Variants in GCN1 observed in about 807,000 individuals in gnomAD.
The protein encoded by GCN1 is stalled ribosome sensor GCN1.
GCN1 carries 90 observed loss-of-function variants against 288.4 expected under a neutral mutation model. That is an observed-to-expected ratio of 0.31 (90% CI 0.26 to 0.37). The LOEUF (loss-of-function observed/expected upper bound fraction) is 0.37, where lower values mean the gene tolerates loss of function less well. Ranked by LOEUF, GCN1 falls within the 10% of genes least tolerant of loss-of-function variation. The probability of loss-of-function intolerance (pLI) is 1.00; values close to 1 mark genes in which losing one functional copy is unlikely to be tolerated. For missense variants in GCN1, 2,586 were observed against 3,419.9 expected (o/e 0.76, Z 6.08); for synonymous variants, 1,386 against 1,420.2 (o/e 0.98, Z 0.54).
Position 120,177,485 on chromosome 12 carries a change from T to C in GCN1, c.800A>G (p.Gln267Arg). 1 of 1,608,248 alleles carries C rather than the reference T, an allele frequency of 6.2e-7. No individual in the cohort carries two copies. The highest frequency in any genetic ancestry group is 1.1e-5 in the South Asian group (1 of 90,950). Reference sequence around the variant, plus strand: ...CTCTGGACTCCTCAGTAAGGACTTCTGTATGGTGGGCAGTATCAGATCCTT... The same window carrying C: ...CTCTGGACTCCTCAGTAAGGACTTCCGTATGGTGGGCAGTATCAGATCCTT... The part of the protein sequence containing the change: ...EFKDLILPTI[Q>R]KSLLRSPENV... The change falls in exon 9 of 58, where the codon CAG (glutamine) becomes CGG (arginine). Residue 267 changes from glutamine to arginine, a missense_variant. Coordinates refer to ENST00000300648, the MANE Select transcript of GCN1 (RefSeq NM_006836.2).
chr12:120,194,510 CGGGCCAAGCCCG>C, intron 1 of GCN1, among the ~76,000 whole-genome samples, 158 bp downstream of exon 1: 1 of 152,206 alleles, frequency 6.6e-6, no homozygotes, highest in East Asian at 1.9e-4. Context: ...CCGCCCGGGC[CGGGCCAAGCCCG>C]CAGCCCTGAG....
At chr12:120,186,332 G>A (rs933638609) in intron 2 of GCN1, among the ~76,000 whole-genome samples, 2 of 151,242 alleles carry the variant, frequency 1.3e-5, no homozygotes, top group East Asian at 1.9e-4. Flanking sequence ...CAGAGATGGC[G>A]CCACTGCACT....
At position 120,149,966 on chromosome 12, in the gene GCN1, G is replaced by A; in HGVS notation, c.4387C>T (p.His1463Tyr). The A allele has an allele frequency of 6.2e-7, 1 of 1,614,106 alleles. No homozygotes were observed. The highest frequency in any genetic ancestry group is 8.5e-7 in the Non-Finnish European group (1 of 1,179,986). Reference sequence around the variant, plus strand: ...CCATCCCCAAAGCACAGGAGCAGATGGGGCAGCACGTGAACCACATACGGC... The same window carrying A: ...CCATCCCCAAAGCACAGGAGCAGATAGGGCAGCACGTGAACCACATACGGC... The part of the protein sequence containing the change: ...FEPYVVHVLP[H>Y]LLLCFGDGNQ... The change falls in exon 35 of 58, where the codon CAT (histidine) becomes TAT (tyrosine). Residue 1463 changes from histidine to tyrosine, a missense_variant. Physicochemically the swap from His to Tyr is moderately conservative, Grantham distance 83. This residue lies in a region of GCN1 where 371 missense variants were observed against 572.6 expected (regional missense o/e 0.65). Transcript: ENST00000300648.
At chr12:120,143,851 C>T (rs949054094) in intron 42 of GCN1, among the ~76,000 whole-genome samples, 1 of 152,212 alleles carries the variant, frequency 6.6e-6, no homozygotes, top group Non-Finnish European at 1.5e-5. Flanking sequence ...GACATTGCTA[C>T]AGGAAACTGG....
chr12:120,139,674 T>C (rs1877128354), intron 45 of GCN1, among the ~76,000 whole-genome samples: 1 of 152,014 alleles, frequency 6.6e-6, no homozygotes, highest in South Asian at 2.1e-4. Flanking sequence ...CCATGTATCC[T>C]TCACTGAGAC....
At chr12:120,152,083 G>A (rs1224092351) in intron 33 of GCN1, among the ~76,000 whole-genome samples, 1 of 152,128 alleles carries the variant, frequency 6.6e-6, no homozygotes. Context: ...AGGCTACAGT[G>A]CAGTGGCACA....
At chr12:120,175,698 C>G (rs753082732) in intron 11 of GCN1, 48 bp downstream of exon 11, 3 of 1,575,356 alleles carry the variant, frequency 1.9e-6, no homozygotes, top group South Asian at 2.3e-5. Flanking sequence ...GAGGGAAATA[C>G]CAGGGGCCAC....
At position 120,138,414 on chromosome 12, in the gene GCN1, T is replaced by C; in HGVS notation, c.6158A>G (p.Asp2053Gly). Residue 2053 changes from aspartate (D) to glycine (G), a missense_variant and splice_region_variant, in exon 47 of 58, where the codon GAT (aspartate) becomes GGT (glycine). Physicochemically the swap from Asp to Gly is moderately conservative, Grantham distance 94. This residue lies in a region of GCN1 where 437 missense variants were observed against 570.5 expected (regional missense o/e 0.77). Coordinates refer to ENST00000300648, the MANE Select transcript of GCN1 (RefSeq NM_006836.2). The stretch of plus-strand genomic sequence containing the variant: ...GGCAAACTCTGACACCTCCTCGTCA[T>C]CCTGCAGAGGGTGTTGGGGACAACC... ...DILPFLLKQL[D>G]DEEVSEFALD... The C allele has an allele frequency of 6.3e-7, 1 of 1,586,968 alleles. No homozygotes were observed. Among genetic ancestry groups the C allele is most frequent in the Non-Finnish European group, 8.7e-7 (1 of 1,155,182 alleles).
rs775836254 is a variant in GCN1, at chr12:120,173,734, A to C, written c.1285T>G (p.Phe429Val). Residue 429 changes from phenylalanine (F) to valine (V), a missense_variant, in exon 14 of 58, where the codon TTC (phenylalanine) becomes GTC (valine). Physicochemically the swap from Phe to Val is conservative, Grantham distance 50 (BLOSUM62 -1). Transcript: ENST00000300648. ...GTTTTAAGGCTGAAAGCTTTTTTGA[A>C]CCATTCAGTGAGCTTCTTGGGCACT... is the stretch of plus-strand genomic sequence containing the variant. ...MEVPKKLTEWFKKAFSLKTST... is the reference protein window; with the variant it reads ...MEVPKKLTEWVKKAFSLKTST... The C allele has an allele frequency of 1.9e-6, 3 of 1,613,084 alleles. No homozygotes were observed. The African/African-American group carries it at 4.0e-5, about 22-fold the overall frequency.
Position 120,129,482 on chromosome 12 carries a change from G to T in GCN1, c.7684C>A (p.Pro2562Thr), listed in dbSNP as rs1353725758. The change falls in exon 57 of 58, where the codon CCA becomes ACA. Residue 2562 changes from proline (P) to threonine (T), a missense_variant. Pro to Thr is a conservative substitution (Grantham distance 38, BLOSUM62 -1). Around this residue, in one of 8 missense-constraint regions of GCN1, gnomAD observed 355 missense variants for 431.1 expected, o/e 0.82. Coordinates refer to ENST00000300648, the MANE Select transcript of GCN1 (RefSeq NM_006836.2). ...SSLFVKCLQN[P>T]SSDIRLVAEK... ...GCCACCAGCCTGATGTCGCTGGATGGGTTCTGCAGACACTGTAAAAAGAAC... is the reference window on the plus strand; with the variant it reads ...GCCACCAGCCTGATGTCGCTGGATGTGTTCTGCAGACACTGTAAAAAGAAC... 1.2e-6 allele frequency: 2 copies of T among 1,612,798 alleles called. No homozygotes were observed. Among genetic ancestry groups the T allele is most frequent in the East Asian group, 2.2e-5 (1 of 44,876 alleles).
intron 14 of GCN1, among the ~76,000 whole-genome samples, chr12:120,172,745 G>C (rs1460121188): frequency 1.3e-5 from 2 of 152,202 alleles, no homozygotes; most frequent in East Asian, 3.8e-4. Context: ...CTGACCTCAG[G>C]TGATCCAACC....
chr12:120,182,934 CAA>C (rs1056569798), intron 5 of GCN1, among the ~76,000 whole-genome samples: 7 of 89,660 alleles, frequency 7.8e-5, no homozygotes, highest in Non-Finnish European at 9.4e-5. Context: ...GACTCCGTCT[CAA>C]AAAAAAAAAA....
Position 120,178,777 on chromosome 12 carries a change from A to G in GCN1, c.526-18T>C. ...CCGGGGTTCTGAAGAGGAAAGTGCC[A>G]GGCAGGTGTTTAAGATGGCAGTGGG... On this transcript the variant is annotated intron_variant, in intron 6 of 57. Coordinates refer to ENST00000300648, the MANE Select transcript of GCN1 (RefSeq NM_006836.2). 6.2e-7 allele frequency: 1 copy of G among 1,614,228 alleles called. No homozygotes were observed. The highest frequency in any genetic ancestry group is 1.1e-5 in the South Asian group (1 of 91,092).
At chr12:120,132,060 A>T in intron 53 of GCN1, 38 bp from the exon 54 acceptor site, 5 of 1,334,704 alleles carry the variant, frequency 3.7e-6, no homozygotes, top group Non-Finnish European at 4.2e-6. Flanking sequence ...GGTGCAGGGA[A>T]CAACACCAGC....
In GCN1 at chr12:120,134,846, G is replaced by A. The variant is rs900853765; in HGVS notation, c.7009-120C>T. 2 of 838,546 alleles carry A rather than the reference G, an allele frequency of 2.4e-6. No individual in the cohort carries two copies. Among genetic ancestry groups the A allele is most frequent in the African/African-American group, 3.4e-5 (2 of 59,286 alleles). 51.9% of individuals were successfully genotyped at this position (838,546 alleles called of 1,614,324 possible). ...CCACAGCGAGTCCAGCTCTCATACA[G>A]GGCTGGGGACAGATAGCCCGTCAGA... On this transcript the variant is annotated intron_variant, in intron 51 of 57. Coordinates refer to ENST00000300648, the MANE Select transcript of GCN1 (RefSeq NM_006836.2). This position sits in a 1 kb window ranked among gnomAD's most constrained non-coding sequence, Gnocchi z 5.0.
At chr12:120,135,810 G>C (rs956110196) in intron 51 of GCN1, among the ~76,000 whole-genome samples, 1 of 152,036 alleles carries the variant, frequency 6.6e-6, no homozygotes, top group Non-Finnish European at 1.5e-5. Context: ...GCTGTGCGAG[G>C]TCAGGAGTTC....
chr12:120,175,487 G>C (rs572201162), intron 11 of GCN1, among the ~76,000 whole-genome samples: 1 of 152,282 alleles, frequency 6.6e-6, no homozygotes, highest in African/African-American at 2.4e-5. Context: ...TTCTTTTCTG[G>C]TGTATTTCCT....
At chr12:120,172,789 C>T (rs1044937559) in intron 14 of GCN1, among the ~76,000 whole-genome samples, 1 of 151,980 alleles carries the variant, frequency 6.6e-6, no homozygotes. Context: ...TAGGCGTGAG[C>T]CACTGTGCCC....
intron 24 of GCN1, 107 bp downstream of exon 24, chr12:120,159,718 C>T: frequency 2.2e-6 from 2 of 919,122 alleles, no homozygotes; most frequent in East Asian, 4.8e-5. Context: ...CAAAACTCAG[C>T]AGCTGAGGTC....
Sources: gnomAD v4.1 joint callset for allele counts (sites outside exome capture counted in the v4.1 genomes callset) on GRCh38, gnomAD v4.1.1 for gene constraint, gnomAD v4.1.1 regional missense constraint, Gnocchi (gnomAD v3.1) non-coding constraint, MANE v1.5 for transcripts, NCBI Gene and HGNC (gene_info 2026-07-23, HGNC 2026-07-21) for gene names.